Variants in OTUD7A observed in about 807,000 individuals in gnomAD.
OTUD7A encodes OTU domain-containing protein 7A.
A neutral mutation model predicts 65.7 loss-of-function variants in OTUD7A; 12 were observed. That is an observed-to-expected ratio of 0.18 (90% CI 0.12 to 0.30). OTUD7A has a LOEUF of 0.30. Among genes scored for constraint, OTUD7A ranks in the 10% least tolerant of loss-of-function variants. OTUD7A has a pLI of 1.00. For synonymous variants in OTUD7A, 641 were observed against 586.3 expected (o/e 1.09, Z -1.35); for missense variants, 1,148 against 1,304.8 (o/e 0.88, Z 1.85).
At chr15:31,630,922 T>C (rs568767402) in intron 3 of OTUD7A, among the ~76,000 whole-genome samples, 449 of 152,366 alleles carry the variant, frequency 2.9e-3, no homozygotes, top group African/African-American at 0.01. Context: ...CTGCCTTTTT[T>C]TGTTTTCCAT....
chr15:31,557,063 G>A (rs1888521339), intron 5 of OTUD7A: 1 of 152,244 alleles, frequency 6.6e-6, no homozygotes, highest in Non-Finnish European at 1.5e-5. Flanking sequence ...CACAACATGA[G>A]ATCCAGCTGT....
intron 1 of OTUD7A, among the ~76,000 whole-genome samples, chr15:31,840,482 T>C (rs555772201): frequency 2.6e-5 from 4 of 152,204 alleles, no homozygotes; most frequent in South Asian, 2.1e-4. Flanking sequence ...AAATTGAAGC[T>C]TAAAGCTCAC....
chr15:31,544,329 A>T (rs1288502436), intron 5 of OTUD7A, among the ~76,000 whole-genome samples: 1 of 151,838 alleles, frequency 6.6e-6, no homozygotes, highest in Non-Finnish European at 1.5e-5. Flanking sequence ...TTAAAAAGTT[A>T]CAAAGGAACA....
chr15:31,505,465 TC>T (rs1198995941), intron 8 of OTUD7A, among the ~76,000 whole-genome samples: 1 of 152,202 alleles, frequency 6.6e-6, no homozygotes, highest in Non-Finnish European at 1.5e-5. Flanking sequence ...AAATTTTGCT[TC>T]TAAGAGAAGT....
At chr15:31,660,030 A>G (rs1334875196) in intron 1 of OTUD7A, among the ~76,000 whole-genome samples, 1 of 152,286 alleles carries the variant, frequency 6.6e-6, no homozygotes, top group Non-Finnish European at 1.5e-5. Context: ...CAGTGAGATG[A>G]CACTGAAAGA....
rs918526337 is a variant in OTUD7A, at chr15:31,475,440, TTCTC to T, written c.*7850_*7853del. Reference sequence around the variant, plus strand: ...AATTTTATTGAGTAGGCATCAAAGCTTCTCTCTGTGTCAGGTAATGGAGAAGCCA... The same window carrying T: ...AATTTTATTGAGTAGGCATCAAAGCTTCTGTGTCAGGTAATGGAGAAGCCA... On this transcript the variant is annotated 3_prime_UTR_variant, in exon 13 of 13. Transcript: ENST00000307050. 1 of 152,338 alleles carries T rather than the reference TTCTC, an allele frequency of 6.6e-6. No individual in the cohort carries two copies. Among genetic ancestry groups the T allele is most frequent in the Admixed American group, 6.5e-5 (1 of 15,302 alleles). The allele number at this position is 152,338 out of a possible 1,614,324, so 9.4% of individuals were successfully genotyped here.
chr15:31,669,971 G>A (rs1399722217), intron 1 of OTUD7A, among the ~76,000 whole-genome samples: 8 of 141,392 alleles, frequency 5.7e-5, no homozygotes, highest in Middle Eastern at 3.4e-3. Flanking sequence ...TTCCACTTCC[G>A]CAGGTGAGCA....
At chr15:31,629,729 T>C (rs1891082249) in intron 3 of OTUD7A, among the ~76,000 whole-genome samples, 1 of 152,144 alleles carries the variant, frequency 6.6e-6, no homozygotes. Flanking sequence ...GTCCTGGACG[T>C]TTTTGGTTGG....
intron 1 of OTUD7A, among the ~76,000 whole-genome samples, chr15:31,711,424 T>C (rs1330341811): frequency 1.3e-5 from 2 of 151,728 alleles, no homozygotes; most frequent in Admixed American, 6.6e-5. Flanking sequence ...CATGTTTTCC[T>C]TCCTTTGTTT....
intron 1 of OTUD7A, among the ~76,000 whole-genome samples, chr15:31,850,035 A>G (rs888302920): frequency 3.9e-5 from 6 of 152,212 alleles, no homozygotes; most frequent in Non-Finnish European, 5.9e-5. Context: ...TAGAAATACC[A>G]TTCAACCCAG....
intron 1 of OTUD7A, among the ~76,000 whole-genome samples, chr15:31,674,465 C>T (rs1892552240): frequency 6.6e-6 from 1 of 152,154 alleles, no homozygotes; most frequent in African/African-American, 2.4e-5. Flanking sequence ...AGGTGCTAGC[C>T]CAGCTTCTTA....
intron 8 of OTUD7A, among the ~76,000 whole-genome samples, chr15:31,520,079 C>T (rs1446907595): frequency 6.6e-6 from 1 of 152,144 alleles, no homozygotes; most frequent in African/African-American, 2.4e-5. Flanking sequence ...CAGTAATCTA[C>T]AGATTCAATA....
At chr15:31,850,482 C>A (rs1486964074) in intron 1 of OTUD7A, among the ~76,000 whole-genome samples, 1 of 152,010 alleles carries the variant, frequency 6.6e-6, no homozygotes, top group Non-Finnish European at 1.5e-5. Context: ...ATGGGTGCAG[C>A]ACACCAACAT....
At chr15:31,631,709 A>C (rs1355325376) in intron 3 of OTUD7A, among the ~76,000 whole-genome samples, 4 of 152,214 alleles carry the variant, frequency 2.6e-5, no homozygotes, top group Non-Finnish European at 5.9e-5. Flanking sequence ...CATTCTCCCC[A>C]TCACTTTCAG....
chr15:31,662,209 T>A (rs1335226364), intron 1 of OTUD7A, among the ~76,000 whole-genome samples: 1 of 152,232 alleles, frequency 6.6e-6, no homozygotes, highest in African/African-American at 2.4e-5. Context: ...TTTTATTCAT[T>A]CTTTATTTAT....
intron 10 of OTUD7A, among the ~76,000 whole-genome samples, chr15:31,495,325 G>A (rs1008934570): frequency 4.6e-5 from 7 of 152,170 alleles, no homozygotes; most frequent in African/African-American, 1.4e-4. Context: ...TTTAATCAGC[G>A]TTACTCAGCT....
At chr15:31,816,243 C>T (rs147481080) in intron 1 of OTUD7A, among the ~76,000 whole-genome samples, 1 of 152,186 alleles carries the variant, frequency 6.6e-6, no homozygotes, top group Non-Finnish European at 1.5e-5. Flanking sequence ...GGTACACATG[C>T]AATTCTAGCA....
At chr15:31,766,114 G>T in intron 1 of OTUD7A, 2 of 1,429,122 alleles carry the variant, frequency 1.4e-6, no homozygotes, top group East Asian at 2.3e-5. Context: ...ACTGCAGTCT[G>T]CAAGTAAGAG....
At chr15:31,807,008 G>T (rs569399458) in intron 1 of OTUD7A, among the ~76,000 whole-genome samples, 1 of 152,310 alleles carries the variant, frequency 6.6e-6, no homozygotes, top group South Asian at 2.1e-4. Context: ...GGCCACATGT[G>T]CCACTCTACC....
Sources: gnomAD v4.1 joint callset for allele counts (sites outside exome capture counted in the v4.1 genomes callset) on GRCh38, gnomAD v4.1.1 for gene constraint, MANE v1.5 for transcripts, NCBI Gene and HGNC (gene_info 2026-07-23, HGNC 2026-07-21) for gene names.